The following NEFH variants were observed in gnomAD, a reference collection of about 807,000 sequenced individuals.
The protein encoded by NEFH is neurofilament heavy polypeptide.
In NEFH, 58 loss-of-function variants were observed where a neutral mutation model predicts 56.6. The ratio of observed to expected loss-of-function variants is 1.03; its 90% CI spans 0.83 to 1.28. The LOEUF (loss-of-function observed/expected upper bound fraction) is 1.28. Ranked by LOEUF, NEFH falls within the 50% of genes most tolerant of loss-of-function variation. The pLI, the probability that NEFH is intolerant of heterozygous loss-of-function variation, is 0.00. For missense variants in NEFH, 1,221 were observed against 1,307.6 expected (o/e 0.93, Z 1.02); for synonymous variants, 542 against 545.8 (o/e 0.99, Z 0.10).
chr22:29,489,527 A>C lies in NEFH; in HGVS notation c.1887A>C (p.Pro629=), dbSNP rs369168927. 1.2e-6 allele frequency: 2 copies of C among 1,603,140 alleles called. No individual in the cohort carries two copies. Among genetic ancestry groups the C allele is most frequent in the Non-Finnish European group, 1.7e-6 (2 of 1,176,676 alleles). Residue 629 remains proline (P), a synonymous_variant, in exon 4 of 4, where the codon CCA becomes CCC. Transcript: ENST00000310624. The stretch of plus-strand genomic sequence containing the variant: ...CAGTGAAGGAAGAAGCAAAATCTCC[A>C]GCTGAGGTCAAGTCCCCGGAAAAGG... ...KSPVKEEAKS[P]AEVKSPEKAK...
At chr22:29,486,214 AG>A (rs1308626750) in intron 3 of NEFH, among the ~76,000 whole-genome samples, 3 of 151,376 alleles carry the variant, frequency 2.0e-5, no homozygotes, top group South Asian at 2.1e-4. Context: ...TAGTAGAAAC[AG>A]GGTTTCACCA....
chr22:29,484,601 C>T (rs1010788154), intron 2 of NEFH, among the ~76,000 whole-genome samples: 2 of 152,124 alleles, frequency 1.3e-5, no homozygotes, highest in African/African-American at 2.4e-5. Flanking sequence ...GAGCCGAGAT[C>T]GTGCCACTGC....
intron 1 of NEFH, among the ~76,000 whole-genome samples, chr22:29,482,125 CTT>C (rs916730506): frequency 5.9e-5 from 9 of 152,212 alleles, no homozygotes; most frequent in African/African-American, 1.9e-4. Flanking sequence ...GTTTCTAAGT[CTT>C]TGCCAGCACT....
At position 29,480,546 on chromosome 22, in the gene NEFH, G is replaced by T; in HGVS notation, c.284G>T (p.Arg95Leu). The T allele has an allele frequency of 6.5e-7, 1 of 1,539,214 alleles. No individual in the cohort carries two copies. The highest frequency in any genetic ancestry group is 8.7e-7 in the Non-Finnish European group (1 of 1,149,276). ...EGCMVAVATS[R>L]SEKEQLQALN... ...TGCATGGTGGCGGTGGCCACCTCAC[G>T]CAGTGAGAAGGAGCAGCTGCAGGCG... The change falls in exon 1 of 4, where the codon CGC becomes CTC. Residue 95 changes from arginine to leucine, a missense_variant. Arg to Leu is a moderately radical substitution (Grantham distance 102). Transcript: ENST00000310624.
rs73407035 is a variant in NEFH, at chr22:29,481,452, C to G, written c.883+307C>G. On this transcript the variant is annotated intron_variant, in intron 1 of 3. Coordinates refer to ENST00000310624, the MANE Select transcript of NEFH (RefSeq NM_021076.4). ...CCCCACTCTGAGATCCCTCCCCCGT[C>G]AAGAAAAAAACAAGTTTCCTCTACA... Among the ~76,000 whole-genome samples the G allele has an allele frequency of 6.4e-3, 975 of 152,124 alleles. 9 individuals are homozygous for G. Among genetic ancestry groups the G allele is most frequent in the African/African-American group, 0.022 (913 of 41,536 alleles).
rs142582173 is a variant in NEFH, at chr22:29,481,441, C to T, written c.883+296C>T. On this transcript the variant is annotated intron_variant, in intron 1 of 3. Transcript: ENST00000310624. ...AGCTTAGGCGACCCCACTCTGAGAT[C>T]CCTCCCCCGTCAAGAAAAAAACAAG... 1.7e-3 allele frequency among the ~76,000 whole-genome samples: 263 copies of T among 152,160 alleles called. 2 individuals are homozygous for T. The highest frequency in any genetic ancestry group is 6.2e-3 in the African/African-American group (257 of 41,508).
chr22:29,490,513 A>G lies in NEFH; in HGVS notation c.2873A>G (p.Lys958Arg), dbSNP rs766424629. The G allele has an allele frequency of 6.3e-7, 1 of 1,594,496 alleles. No individual in the cohort carries two copies. The highest frequency in any genetic ancestry group is 8.5e-7 in the Non-Finnish European group (1 of 1,174,598). Residue 958 changes from lysine to arginine, a missense_variant, in exon 4 of 4, where the codon AAG (lysine) becomes AGG (arginine). Physicochemically the swap from Lys to Arg is conservative, Grantham distance 26. Transcript: ENST00000310624. Reference protein sequence around the residue: ...KEAAPEKKDTKEEKAKKPEEK... With the variant: ...KEAAPEKKDTREEKAKKPEEK... ...GCAGCACCGGAGAAAAAAGACACCA[A>G]GGAGGAGAAGGCCAAGAAGCCTGAG... is the stretch of plus-strand genomic sequence containing the variant.
rs757478423 is a variant in NEFH at position 29,480,999 on chromosome 22, A to G, written c.737A>G (p.Gln246Arg). The G allele has an allele frequency of 1.3e-6, 2 of 1,531,876 alleles. No individual in the cohort carries two copies. Among genetic ancestry groups the G allele is most frequent in the South Asian group, 1.2e-5 (1 of 83,860 alleles). The allele number at this position is 1,531,876 out of a possible 1,614,324, so 94.9% of individuals were successfully genotyped here. The change falls in exon 1 of 4, where the codon CAG (glutamine) becomes CGG (arginine). Residue 246 changes from glutamine to arginine, a missense_variant. By Grantham distance (43) the Gln-to-Arg change is conservative. This residue lies in a region of NEFH where 640 missense variants were observed against 555.5 expected (regional missense o/e 1.15). Transcript: ENST00000310624. Reference protein sequence around the residue: ...EEVGELLGQIQGSGAAQAQMQ... With the variant: ...EEVGELLGQIRGSGAAQAQMQ... ...GTGGGCGAGCTGCTCGGCCAGATCCAGGGCTCCGGCGCCGCGCAGGCGCAG... is the reference window on the plus strand; with the variant it reads ...GTGGGCGAGCTGCTCGGCCAGATCCGGGGCTCCGGCGCCGCGCAGGCGCAG...
rs1474144312 is a variant in NEFH at position 29,480,640 on chromosome 22, G to GGGCGAGGC, written c.379_386dup (p.Ala131ArgfsTer58). ...TGGAGGCGCACAACCGCAGCCTGGA[G>GGGCGAGGC]GGCGAGGCTGCGGCGCTGCGGCAGC... On this transcript the variant is annotated frameshift_variant, in exon 1 of 4. Coordinates refer to ENST00000310624, the MANE Select transcript of NEFH (RefSeq NM_021076.4). LOFTEE classifies it high-confidence loss of function. 3 of 1,561,956 alleles carry GGGCGAGGC rather than the reference G, an allele frequency of 1.9e-6. No homozygotes were observed. The highest frequency in any genetic ancestry group is 2.6e-6 in the Non-Finnish European group (3 of 1,163,468).
chr22:29,488,148 A>G (rs1467196022), intron 3 of NEFH, among the ~76,000 whole-genome samples: 2 of 152,322 alleles, frequency 1.3e-5, no homozygotes, highest in East Asian at 3.9e-4. Context: ...GGATCGGCTG[A>G]GGTCAGGAGT....
In NEFH at chr22:29,490,440, G is replaced by T. The variant is rs1315145172; in HGVS notation, c.2800G>T (p.Asp934Tyr). 1.2e-6 allele frequency: 2 copies of T among 1,604,898 alleles called. No individual in the cohort carries two copies. The highest frequency in any genetic ancestry group is 8.5e-7 in the Non-Finnish European group (1 of 1,177,834). Residue 934 changes from aspartate to tyrosine, a missense_variant, in exon 4 of 4, where the codon GAT becomes TAT. Around this residue, in one of 4 missense-constraint regions of NEFH, gnomAD observed 301 missense variants for 346.6 expected, o/e 0.87. Transcript: ENST00000310624. ...GACAGAGGTAGCCAAGAAGGAACCAGATGATGCCAAGGCCAAGGAACCCAG... is the reference window on the plus strand; with the variant it reads ...GACAGAGGTAGCCAAGAAGGAACCATATGATGCCAAGGCCAAGGAACCCAG... ...EKTEVAKKEP[D>Y]DAKAKEPSKP...
In NEFH at chr22:29,480,526, G is replaced by C. The variant is rs1235304557; in HGVS notation, c.264G>C (p.Met88Ile). The change falls in exon 1 of 4, where the codon ATG becomes ATC. Residue 88 changes from methionine to isoleucine, a missense_variant. Physicochemically the swap from Met to Ile is conservative, Grantham distance 10 (BLOSUM62 1). Around this residue, in one of 4 missense-constraint regions of NEFH, gnomAD observed 640 missense variants for 555.5 expected, o/e 1.15. Coordinates refer to ENST00000310624, the MANE Select transcript of NEFH (RefSeq NM_021076.4). ...DTLSNGPEGC[M>I]VAVATSRSEK... ...TGAGCAACGGGCCGGAGGGCTGCAT[G>C]GTGGCGGTGGCCACCTCACGCAGTG... The C allele has an allele frequency of 3.3e-6, 5 of 1,536,562 alleles. No homozygotes were observed. The African/African-American group carries it at 5.5e-5, about 17-fold the overall frequency.
chr22:29,482,561 T>G (rs989684258), intron 1 of NEFH, among the ~76,000 whole-genome samples: 1 of 152,216 alleles, frequency 6.6e-6, no homozygotes, highest in African/African-American at 2.4e-5. Flanking sequence ...GACCTTGGAC[T>G]GTGCGCAGAA....
chr22:29,487,535 C>T (rs750190295), intron 3 of NEFH, among the ~76,000 whole-genome samples: 6 of 151,858 alleles, frequency 4.0e-5, no homozygotes, highest in Non-Finnish European at 7.4e-5. Flanking sequence ...AGGAGGCTGA[C>T]GTGGGAGGAT....
At position 29,481,280 on chromosome 22, in the gene NEFH, A is replaced by G. The variant is rs1049668784; in HGVS notation, c.883+135A>G. On this transcript the variant is annotated intron_variant, in intron 1 of 3. Transcript: ENST00000310624. ...TGCTCACCTTCCCTCTGCAAAGTGC[A>G]TGCCCCTAGTTAAATCGCAGTTTTA... 5.8e-6 allele frequency: 5 copies of G among 863,544 alleles called. No individual in the cohort carries two copies. The African/African-American group carries it at 8.6e-5, about 15-fold the overall frequency. 53.5% of individuals were successfully genotyped at this position (863,544 alleles called of 1,614,324 possible).
intron 1 of NEFH, among the ~76,000 whole-genome samples, chr22:29,482,287 C>G (rs2063016163): frequency 2.0e-5 from 3 of 152,202 alleles, no homozygotes; most frequent in Non-Finnish European, 4.4e-5. Flanking sequence ...GGCAGACGTC[C>G]CAGGATTGTA....
chr22:29,490,234 C>T lies in NEFH; in HGVS notation c.2594C>T (p.Pro865Leu). The change falls in exon 4 of 4, where the codon CCC (proline) becomes CTC (leucine). Residue 865 changes from proline to leucine, a missense_variant. Transcript: ENST00000310624. The part of the protein sequence containing the change: ...EKKDSKKEEA[P>L]KKEAPKPKVE... ...AAGGACAGCAAGAAAGAGGAGGCACCCAAGAAGGAGGCTCCAAAGCCCAAG... is the reference window on the plus strand; with the variant it reads ...AAGGACAGCAAGAAAGAGGAGGCACTCAAGAAGGAGGCTCCAAAGCCCAAG... The T allele has an allele frequency of 1.2e-6, 2 of 1,610,668 alleles. No homozygotes were observed. The highest frequency in any genetic ancestry group is 1.7e-6 in the Non-Finnish European group (2 of 1,178,410).
At chr22:29,483,314 C>A in intron 1 of NEFH, 61 bp from the exon 2 acceptor site, 61 of 1,335,638 alleles carry the variant, frequency 4.6e-5, no homozygotes, top group Non-Finnish European at 6.1e-5. Context: ...AGAAAAAAAT[C>A]TGGGCATTAG....
chr22:29,480,513 C>T lies in NEFH; in HGVS notation c.251C>T (p.Pro84Leu). Residue 84 changes from proline (P) to leucine (L), a missense_variant, in exon 1 of 4, where the codon CCG becomes CTG. Physicochemically the swap from Pro to Leu is moderately conservative, Grantham distance 98 (BLOSUM62 -3). Coordinates refer to ENST00000310624, the MANE Select transcript of NEFH (RefSeq NM_021076.4). The stretch of plus-strand genomic sequence containing the variant: ...TCGCTGGACACGCTGAGCAACGGGC[C>T]GGAGGGCTGCATGGTGGCGGTGGCC... Reference protein sequence around the residue: ...TDSLDTLSNGPEGCMVAVATS... With the variant: ...TDSLDTLSNGLEGCMVAVATS... The T allele has an allele frequency of 2.0e-6, 3 of 1,535,134 alleles. No homozygotes were observed. Among genetic ancestry groups the T allele is most frequent in the South Asian group, 1.2e-5 (1 of 84,066 alleles).
Sources: gnomAD v4.1 joint callset for allele counts (sites outside exome capture counted in the v4.1 genomes callset) on GRCh38, gnomAD v4.1.1 for gene constraint, gnomAD v4.1.1 regional missense constraint, MANE v1.5 for transcripts, NCBI Gene and HGNC (gene_info 2026-07-23, HGNC 2026-07-21) for gene names.